Variants in MBNL1 observed in about 807,000 individuals in gnomAD.
The protein encoded by MBNL1 is muscleblind-like protein 1.
In MBNL1, 8 loss-of-function variants were observed where a neutral mutation model predicts 42.2. That is an observed-to-expected ratio of 0.19 (90% CI 0.11 to 0.34). MBNL1 has a LOEUF of 0.34. MBNL1 is among the 10% of genes least tolerant of loss of function. MBNL1 has a pLI of 1.00. For synonymous variants in MBNL1, 169 were observed against 173.9 expected, an observed-to-expected ratio of 0.97 and a Z score of 0.22; for missense variants, 309 against 495.3, an observed-to-expected ratio of 0.62 and a Z score of 3.57.
At chr3:152,436,108 G>T (rs1483334339) in intron 4 of MBNL1, among the ~76,000 whole-genome samples, 1 of 152,122 alleles carries the variant, frequency 6.6e-6, no homozygotes, top group Non-Finnish European at 1.5e-5. Flanking sequence ...TGAGGCTGTT[G>T]TATGAACATA....
intron 2 of MBNL1, among the ~76,000 whole-genome samples, chr3:152,353,268 A>G (rs79385391): frequency 0.071 from 10,838 of 152,284 alleles, 507 homozygotes; most frequent in Middle Eastern, 0.16. Flanking sequence ...TGTGGCTTCC[A>G]AAGTGTCTGA....
At chr3:152,455,763 C>A (rs1732425963) in intron 7 of MBNL1, among the ~76,000 whole-genome samples, 186 bp downstream of exon 7, 1 of 152,130 alleles carries the variant, frequency 6.6e-6, no homozygotes, top group Non-Finnish European at 1.5e-5. Flanking sequence ...TCTTTACACA[C>A]AACAGTTTCC....
At chr3:152,413,716 T>G (rs916283174) in intron 2 of MBNL1, among the ~76,000 whole-genome samples, 1 of 152,230 alleles carries the variant, frequency 6.6e-6, no homozygotes, top group Non-Finnish European at 1.5e-5. Flanking sequence ...GAATGATGGC[T>G]TCAATTAATC....
intron 2 of MBNL1, among the ~76,000 whole-genome samples, chr3:152,326,623 T>A (rs932418554): frequency 1.3e-5 from 2 of 152,008 alleles, no homozygotes; most frequent in African/African-American, 4.8e-5. Context: ...ATGGTCAACT[T>A]CAAAACATAG....
At chr3:152,272,576 T>TAA (rs141806024) in intron 1 of MBNL1, among the ~76,000 whole-genome samples, 2 of 145,950 alleles carry the variant, frequency 1.4e-5, no homozygotes, top group East Asian at 2.0e-4. Flanking sequence ...TTTAGAAAGT[T>TAA]AAAAAAAAAA....
At chr3:152,268,903 T>C (rs1421942930), upstream of MBNL1, 3 of 454,966 alleles carry the variant, frequency 6.6e-6, no homozygotes, top group Admixed American at 4.7e-5. Flanking sequence ...ACCTCGGCGA[T>C]AAGAGGCTGC....
chr3:152,361,135 A>C (rs976155337), intron 2 of MBNL1, among the ~76,000 whole-genome samples: 4 of 152,114 alleles, frequency 2.6e-5, no homozygotes, highest in African/African-American at 9.7e-5. Context: ...AAGTGTCATC[A>C]CTGATTCATC....
chr3:152,396,159 AC>A, intron 2 of MBNL1: 6 of 349,506 alleles, frequency 1.7e-5, no homozygotes, highest in Non-Finnish European at 2.3e-5. Flanking sequence ...GTCTCCTGTC[AC>A]CCCCAGATAG....
At chr3:152,412,678 C>A (rs769453957) in intron 2 of MBNL1, among the ~76,000 whole-genome samples, 13 of 152,120 alleles carry the variant, frequency 8.5e-5, no homozygotes, top group Non-Finnish European at 1.6e-4. Context: ...CACGTGATTT[C>A]TCTCTGTTAT....
intron 2 of MBNL1, among the ~76,000 whole-genome samples, chr3:152,406,544 ACT>A (rs931116329): frequency 6.6e-6 from 1 of 151,668 alleles, no homozygotes; most frequent in Non-Finnish European, 1.5e-5. Context: ...AGCTACTTTG[ACT>A]CTCATGCATT....
At chr3:152,403,238 C>G (rs1423536431) in intron 2 of MBNL1, among the ~76,000 whole-genome samples, 1 of 152,136 alleles carries the variant, frequency 6.6e-6, no homozygotes, top group Non-Finnish European at 1.5e-5. Context: ...GGCTGACGCT[C>G]CTGTGAGGCC....
chr3:152,254,874 C>T (rs2035224643), intron 2 of MBNL1, among the ~76,000 whole-genome samples: 1 of 152,050 alleles, frequency 6.6e-6, no homozygotes, highest in African/African-American at 2.4e-5. Flanking sequence ...TTCCACTTTA[C>T]AGATTTAAGG....
intron 2 of MBNL1, among the ~76,000 whole-genome samples, chr3:152,251,146 A>G (rs2034459567): frequency 6.6e-6 from 1 of 152,102 alleles, no homozygotes; most frequent in African/African-American, 2.4e-5. Context: ...ACTTTTATCT[A>G]ATATTTGTCC....
chr3:152,289,519 G>A (rs2054582945), intron 1 of MBNL1, among the ~76,000 whole-genome samples: 2 of 151,954 alleles, frequency 1.3e-5, no homozygotes, highest in Non-Finnish European at 2.9e-5. Flanking sequence ...AAACAACTGG[G>A]TCTTGAGTCA....
intron 1 of MBNL1, among the ~76,000 whole-genome samples, chr3:152,277,917 A>G (rs1475705487): frequency 6.6e-6 from 1 of 152,078 alleles, no homozygotes. Context: ...TAAATATAGC[A>G]TGTTTCTATA....
At chr3:152,288,382 C>T (rs543024321) in intron 1 of MBNL1, among the ~76,000 whole-genome samples, 3 of 152,284 alleles carry the variant, frequency 2.0e-5, no homozygotes, top group Non-Finnish European at 2.9e-5. Context: ...GTGGAACCCC[C>T]GCCTCAGGGA....
At chr3:152,396,634 A>G (rs1434515620) in intron 2 of MBNL1, among the ~76,000 whole-genome samples, 1 of 152,134 alleles carries the variant, frequency 6.6e-6, no homozygotes, top group Non-Finnish European at 1.5e-5. Flanking sequence ...CGCACTTCAT[A>G]TTAACATTCA....
chr3:152,359,261 C>T (rs1291268476), intron 2 of MBNL1, among the ~76,000 whole-genome samples: 4 of 152,162 alleles, frequency 2.6e-5, no homozygotes, highest in South Asian at 2.1e-4. Flanking sequence ...AATGGATTTG[C>T]TTATCAACAG....
chr3:152,417,184 T>A (rs2098715832), intron 3 of MBNL1, among the ~76,000 whole-genome samples: 1 of 152,048 alleles, frequency 6.6e-6, no homozygotes, highest in Admixed American at 6.5e-5. Context: ...GAGACTTTTT[T>A]ATCCTTTTTG....
Sources: allele counts gnomAD v4.1 joint callset (sites outside exome capture counted in the v4.1 genomes callset), GRCh38; gene constraint gnomAD v4.1.1; transcripts MANE v1.5; gene names NCBI Gene and HGNC (gene_info 2026-07-23, HGNC 2026-07-21).